SELENOM: variants seen among roughly 807,000 people sequenced by gnomAD.
SELENOM encodes selenoprotein SelM.
A neutral mutation model predicts 14.5 loss-of-function variants in SELENOM; 17 were observed. The observed-to-expected ratio is 1.17, with a 90% CI of 0.80 to 1.76. The LOEUF is 1.76. Among genes scored for constraint, SELENOM ranks in the 40% most tolerant of loss-of-function variants. The pLI is 0.00. For missense variants in SELENOM, 230 were observed against 204.6 expected, an observed-to-expected ratio of 1.12 and a Z score of -0.76; for synonymous variants, 102 against 93.3, an observed-to-expected ratio of 1.09 and a Z score of -0.54.
chr22:31,107,013 TC>T (rs1215629345), intron 1 of SELENOM: 1 of 178,718 alleles, frequency 5.6e-6, no homozygotes, highest in Admixed American at 6.2e-5. Context: ...TGGAACCGGG[TC>T]GGGGGGGAAT....
At chr22:31,106,099 G>A (rs1250084342) in intron 1 of SELENOM, 134 bp from the exon 2 acceptor site, 1 of 794,220 alleles carries the variant, frequency 1.3e-6, no homozygotes, top group East Asian at 2.5e-5. Flanking sequence ...CCCAAGGTCT[G>A]AAGGAAATGC....
intron 3 of SELENOM, 40 bp downstream of exon 3, chr22:31,105,618 G>A (rs779069281): frequency 2.7e-5 from 44 of 1,601,788 alleles, no homozygotes; most frequent in Non-Finnish European, 3.8e-5. Context: ...ATTCTCCCAG[G>A]TGCCCATCCC....
rs1479572403 is a variant in SELENOM, at chr22:31,105,601, C to T, written c.200+57G>A. On this transcript the variant is annotated intron_variant, in intron 3 of 4. Transcript: ENST00000400299. ...CATCTGCCACCCCTTTCTGAAGTTA[C>T]GTGGAGATTCTCCCAGGTGCCCATC... 26 of 1,550,176 alleles carry T rather than the reference C, an allele frequency of 1.7e-5. No homozygotes were observed. The East Asian group carries it at 2.0e-4, about 12-fold the overall frequency.
In SELENOM at chr22:31,105,841, C is replaced by G. The variant is rs149176411; in HGVS notation, c.165+89G>C. On this transcript the variant is annotated intron_variant, in intron 2 of 4. Coordinates refer to ENST00000400299, the MANE Select transcript of SELENOM (RefSeq NM_080430.4). ...ACTCTCAGCCTAGGGATCCTTCCCC[C>G]CTCCCCGCCCCAGTCATTGGGACCA... 222 of 1,498,854 alleles carry G rather than the reference C, an allele frequency of 1.5e-4. 1 individual carries two copies. In the African/African-American group the frequency reaches 1.8e-3, roughly 12 times the overall value. The allele number at this position is 1,498,854 out of a possible 1,614,324, so 92.8% of individuals were successfully genotyped here.
Position 31,107,418 on chromosome 22 carries a change from C to T in SELENOM, c.88G>A (p.Asp30Asn). The change falls in exon 1 of 5, where the codon GAC becomes AAC. Residue 30 changes from aspartate (D) to asparagine (N), a missense_variant. By Grantham distance (23) the Asp-to-Asn change is conservative (BLOSUM62 1). Transcript: ENST00000400299. ...GTTAGGCCGCTCAGACGGTTCCAGTCCGGCCGGTAGGCAGTGGCGGCTGTG... is the reference window on the plus strand; with the variant it reads ...GTTAGGCCGCTCAGACGGTTCCAGTTCGGCCGGTAGGCAGTGGCGGCTGTG... ...PATAATAYRPDWNRLSGLTRA... is the reference protein window; with the variant it reads ...PATAATAYRPNWNRLSGLTRA... 6.3e-7 allele frequency: 1 copy of T among 1,590,196 alleles called. No homozygotes were observed. The highest frequency in any genetic ancestry group is 8.5e-7 in the Non-Finnish European group (1 of 1,170,542).
chr22:31,107,382 C>T lies in SELENOM; in HGVS notation c.124G>A (p.Val42Ile), dbSNP rs1311004992. The T allele has an allele frequency of 1.9e-6, 3 of 1,594,676 alleles. No individual in the cohort carries two copies. The highest frequency in any genetic ancestry group is 2.3e-5 in the South Asian group (2 of 88,230). The change falls in exon 1 of 5, where the codon GTA becomes ATA. Residue 42 changes from valine (V) to isoleucine (I), a missense_variant. Val to Ile is a conservative substitution (Grantham distance 29). Coordinates refer to ENST00000400299, the MANE Select transcript of SELENOM (RefSeq NM_080430.4). Reference protein sequence around the residue: ...NRLSGLTRARVETCGGUQLNR... With the variant: ...NRLSGLTRARIETCGGUQLNR... Reference sequence around the variant, plus strand: ...CTGGAGGCCGGCGTACTCACCTCTACCCGGGCGCGGGTTAGGCCGCTCAGA... The same window carrying T: ...CTGGAGGCCGGCGTACTCACCTCTATCCGGGCGCGGGTTAGGCCGCTCAGA...
chr22:31,105,600 A>C (rs2044394191), intron 3 of SELENOM, 58 bp downstream of exon 3: 2 of 1,542,170 alleles, frequency 1.3e-6, no homozygotes, highest in African/African-American at 1.4e-5. Flanking sequence ...TTCTGAAGTT[A>C]CGTGGAGATT....
intron 1 of SELENOM, chr22:31,106,280 C>T (rs952035114): frequency 2.2e-5 from 10 of 464,350 alleles, no homozygotes; most frequent in Non-Finnish European, 4.0e-5. Flanking sequence ...GAAATGATCA[C>T]CCTGCTCCTC....
chr22:31,107,432 G>C lies in SELENOM; in HGVS notation c.74C>G (p.Thr25Ser), dbSNP rs756270478. 2 of 1,577,104 alleles carry C rather than the reference G, an allele frequency of 1.3e-6. No homozygotes were observed. The highest frequency in any genetic ancestry group is 1.7e-6 in the Non-Finnish European group (2 of 1,164,024). The change falls in exon 1 of 5, where the codon ACT becomes AGT. Residue 25 changes from threonine to serine, a missense_variant. Thr to Ser is a moderately conservative substitution (Grantham distance 58). Coordinates refer to ENST00000400299, the MANE Select transcript of SELENOM (RefSeq NM_080430.4). ...ACGGTTCCAGTCCGGCCGGTAGGCA[G>C]TGGCGGCTGTGGCTGGGGCCACAAG... is the stretch of plus-strand genomic sequence containing the variant. ...AALVAPATAA[T>S]AYRPDWNRLS...
intron 2 of SELENOM, 34 bp downstream of exon 2, chr22:31,105,896 G>C (rs1479988417): frequency 1.8e-5 from 29 of 1,607,324 alleles, no homozygotes; most frequent in Non-Finnish European, 2.1e-5. Flanking sequence ...GGCTCAGGGG[G>C]AACAGAGCTA....
Position 31,107,404 on chromosome 22 carries a change from C to T in SELENOM, c.102G>A (p.Leu34=). ...CTACCCGGGCGCGGGTTAGGCCGCT[C>T]AGACGGTTCCAGTCCGGCCGGTAGG... ...ATAYRPDWNR[L]SGLTRARVET... is the part of the protein sequence containing the mutation. The change falls in exon 1 of 5, where the codon CTG becomes CTA. Residue 34 remains leucine, a synonymous_variant. Coordinates refer to ENST00000400299, the MANE Select transcript of SELENOM (RefSeq NM_080430.4). The T allele has an allele frequency of 1.3e-6, 2 of 1,592,162 alleles. No individual in the cohort carries two copies. Among genetic ancestry groups the T allele is most frequent in the Non-Finnish European group, 8.5e-7 (1 of 1,171,554 alleles).
intron 2 of SELENOM, 53 bp from the exon 3 acceptor site, chr22:31,105,745 A>G: frequency 1.3e-6 from 2 of 1,593,992 alleles, no homozygotes; most frequent in Non-Finnish European, 1.7e-6. Flanking sequence ...CTCGAGGTAC[A>G]GACGAGACAC....
Position 31,107,416 on chromosome 22 carries a change from G to C in SELENOM, c.90C>G (p.Asp30Glu). Residue 30 changes from aspartate (D) to glutamate (E), a missense_variant, in exon 1 of 5, where the codon GAC becomes GAG. Physicochemically the swap from Asp to Glu is conservative, Grantham distance 45. Coordinates refer to ENST00000400299, the MANE Select transcript of SELENOM (RefSeq NM_080430.4). Reference protein sequence around the residue: ...PATAATAYRPDWNRLSGLTRA... With the variant: ...PATAATAYRPEWNRLSGLTRA... ...GGGTTAGGCCGCTCAGACGGTTCCA[G>C]TCCGGCCGGTAGGCAGTGGCGGCTG... 1 of 1,590,464 alleles carries C rather than the reference G, an allele frequency of 6.3e-7. No homozygotes were observed. Among genetic ancestry groups the C allele is most frequent in the Non-Finnish European group, 8.5e-7 (1 of 1,170,668 alleles).
intron 1 of SELENOM, chr22:31,106,964 C>G (rs548979784): frequency 6.4e-6 from 1 of 157,128 alleles, no homozygotes; most frequent in East Asian, 1.9e-4. Flanking sequence ...TTCTTTCCCC[C>G]CAGGAGAAGG....
At chr22:31,106,166 A>G (rs2044403394) in intron 1 of SELENOM, 2 of 612,916 alleles carry the variant, frequency 3.3e-6, no homozygotes, top group South Asian at 3.8e-5. Context: ...ACTCAGGCCT[A>G]GAGACACCAG....
chr22:31,105,210 C>G lies in SELENOM; in HGVS notation c.277G>C (p.Glu93Gln), dbSNP rs749345824. ...CAGCCCACCTCCCACGGCCTCACCTCTAGTTCCTCGTAGCGGCGGCCCAGC... is the reference window on the plus strand; with the variant it reads ...CAGCCCACCTCCCACGGCCTCACCTGTAGTTCCTCGTAGCGGCGGCCCAGC... ...VLLGRRYEEL[E>Q]RIPLSEMTRE... Residue 93 changes from glutamate (E) to glutamine (Q), a missense_variant and splice_region_variant, in exon 4 of 5, where the codon GAG (glutamate) becomes CAG (glutamine). Transcript: ENST00000400299. 4 of 1,612,602 alleles carry G rather than the reference C, an allele frequency of 2.5e-6. No individual in the cohort carries two copies. The South Asian group carries it at 3.3e-5, about 13-fold the overall frequency.
Position 31,107,560 on chromosome 22 carries a change from G to T in SELENOM, c.-55C>A, listed in dbSNP as rs1384567753. Reference sequence around the variant, plus strand: ...TGGAGGCGAACCTCCGAGTCGCTGCGCCACGTCTGGGCCCCCAGGCTGGCC... The same window carrying T: ...TGGAGGCGAACCTCCGAGTCGCTGCTCCACGTCTGGGCCCCCAGGCTGGCC... On this transcript the variant is annotated 5_prime_UTR_variant, in exon 1 of 5. Coordinates refer to ENST00000400299, the MANE Select transcript of SELENOM (RefSeq NM_080430.4). 7 of 1,451,892 alleles carry T rather than the reference G, an allele frequency of 4.8e-6. No individual in the cohort carries two copies. The African/African-American group carries it at 8.8e-5, about 18-fold the overall frequency. The allele number at this position is 1,451,892 out of a possible 1,614,324, so 89.9% of individuals were successfully genotyped here.
In SELENOM at chr22:31,104,819, GT is replaced by G; in HGVS notation, c.*150del. 1.8e-6 allele frequency: 1 copy of G among 571,094 alleles called. No individual in the cohort carries two copies. Among genetic ancestry groups the G allele is most frequent in the Non-Finnish European group, 2.6e-6 (1 of 379,074 alleles). 35.4% of individuals were successfully genotyped at this position (571,094 alleles called of 1,614,324 possible). A position where few individuals can be genotyped will look rare whatever the true frequency, so the allele number is the denominator to read the frequency against. ...TTAGTGGAGCTGGGGAAGGAAGAAAGTGGGGTTGGGAGAACCTCCCCAACCC... is the reference window on the plus strand; with the variant it reads ...TTAGTGGAGCTGGGGAAGGAAGAAAGGGGGTTGGGAGAACCTCCCCAACCC... On this transcript the variant is annotated 3_prime_UTR_variant, in exon 5 of 5. Transcript: ENST00000400299.
At chr22:31,107,344 G>A (rs1216856644) in intron 1 of SELENOM, 33 bp downstream of exon 1, 5 of 1,578,360 alleles carry the variant, frequency 3.2e-6, no homozygotes, top group South Asian at 1.2e-5. Flanking sequence ...GTTGGGGAAC[G>A]ATAGTGCCGG....
Sources: allele counts gnomAD v4.1 joint callset, GRCh38; gene constraint gnomAD v4.1.1; transcripts MANE v1.5; gene names NCBI Gene and HGNC (gene_info 2026-07-23, HGNC 2026-07-21).